Variants in EPHA6 observed in about 807,000 individuals in gnomAD.
EPHA6 encodes the protein EPH receptor A6.
In EPHA6, 50 loss-of-function variants were observed where a neutral mutation model predicts 112.0. The observed-to-expected ratio is 0.45, with a 90% CI of 0.36 to 0.56. EPHA6 has a LOEUF of 0.56. EPHA6 is among the 20% of genes least tolerant of loss of function. EPHA6 has a pLI of 0.00. For synonymous variants in EPHA6, 529 were observed against 490.7 expected, an observed-to-expected ratio of 1.08 and a Z score of -1.03; for missense variants, 1,280 against 1,417.4, an observed-to-expected ratio of 0.90 and a Z score of 1.56.
At chr3:97,258,654 G>GT (rs368209384) in intron 5 of EPHA6, among the ~76,000 whole-genome samples, 14 of 152,030 alleles carry the variant, frequency 9.2e-5, no homozygotes, top group African/African-American at 3.1e-4. Flanking sequence ...ATGACCAGTA[G>GT]TTTCATCATG....
rs748748562 is a variant in EPHA6, at chr3:97,736,100, T to C, written c.3110T>C (p.Leu1037Pro). The C allele has an allele frequency of 1.2e-6, 2 of 1,611,888 alleles. No individual in the cohort carries two copies. The highest frequency in any genetic ancestry group is 2.2e-5 in the South Asian group (2 of 90,922). ...LIRNPSALHT[L>P]VEDILVMPES... ...CGAAATCCCAGTGCCCTTCACACCC[T>C]GGTGGAGGACATCCTTGTGTAAGAG... The change falls in exon 16 of 18, where the codon CTG (leucine) becomes CCG (proline). Residue 1037 changes from leucine to proline, a missense_variant. Around this residue, in one of 4 missense-constraint regions of EPHA6, gnomAD observed 145 missense variants for 153.3 expected, o/e 0.95. Transcript: ENST00000389672.
chr3:97,515,933 T>C (rs1176797593), intron 10 of EPHA6, among the ~76,000 whole-genome samples: 1 of 149,696 alleles, frequency 6.7e-6, no homozygotes, highest in Non-Finnish European at 1.5e-5. Flanking sequence ...CACTGTATGA[T>C]AAGAAAGTTA....
chr3:97,325,889 TCTC>T (rs1559885618), intron 5 of EPHA6, among the ~76,000 whole-genome samples: 1 of 152,120 alleles, frequency 6.6e-6, no homozygotes, highest in African/African-American at 2.4e-5. Flanking sequence ...AACCTAGGAA[TCTC>T]CTATTTTCTA....
intron 6 of EPHA6, among the ~76,000 whole-genome samples, chr3:97,434,905 C>G (rs2089738170): frequency 6.6e-6 from 1 of 151,440 alleles, no homozygotes; most frequent in Non-Finnish European, 1.5e-5. Context: ...CCCTCCCTAC[C>G]CCTTATTCTT....
At chr3:97,120,586 G>A (rs1036483714) in intron 3 of EPHA6, among the ~76,000 whole-genome samples, 8 of 151,828 alleles carry the variant, frequency 5.3e-5, no homozygotes, top group African/African-American at 1.9e-4. Flanking sequence ...GTTAAAAAAA[G>A]GGTTTTAAAA....
intron 5 of EPHA6, among the ~76,000 whole-genome samples, chr3:97,264,707 A>C (rs1295266517): frequency 2.6e-5 from 4 of 152,224 alleles, no homozygotes; most frequent in African/African-American, 9.6e-5. Flanking sequence ...TGAGGTACAC[A>C]GACAAATGGA....
chr3:97,543,667 T>A (rs2092902053), intron 11 of EPHA6, among the ~76,000 whole-genome samples: 1 of 152,072 alleles, frequency 6.6e-6, no homozygotes, highest in South Asian at 2.1e-4. Context: ...TGGCATTGAA[T>A]CTATAAATTA....
chr3:97,519,009 A>G (rs1416682769), intron 10 of EPHA6, among the ~76,000 whole-genome samples: 1 of 151,812 alleles, frequency 6.6e-6, no homozygotes, highest in African/African-American at 2.4e-5. Context: ...AAATAGTACC[A>G]TTTGTCTACT....
chr3:96,987,922 G>T lies in EPHA6; in HGVS notation c.1043G>T (p.Gly348Val). ...DTPKLYCGAD[G>V]DWLVPLGRCI... ...CCTAAACTGTATTGTGGAGCTGATG[G>T]AGATTGGCTGGTTCCTCTTGGAAGG... The change falls in exon 3 of 18, where the codon GGA (glycine) becomes GTA (valine). Residue 348 changes from glycine to valine, a missense_variant. Physicochemically the swap from Gly to Val is moderately radical, Grantham distance 109. Coordinates refer to ENST00000389672, the MANE Select transcript of EPHA6 (RefSeq NM_001080448.3). The T allele has an allele frequency of 6.2e-7, 1 of 1,613,816 alleles. No individual in the cohort carries two copies. The highest frequency in any genetic ancestry group is 8.5e-7 in the Non-Finnish European group (1 of 1,179,762).
intron 3 of EPHA6, among the ~76,000 whole-genome samples, chr3:97,164,794 T>G (rs2076501228): frequency 6.6e-6 from 1 of 152,110 alleles, no homozygotes; most frequent in Non-Finnish European, 1.5e-5. Flanking sequence ...TTATTGGCTC[T>G]GCTTTCATGA....
intron 6 of EPHA6, among the ~76,000 whole-genome samples, chr3:97,424,901 G>A (rs1357917019): frequency 3.3e-5 from 5 of 151,648 alleles, no homozygotes. Context: ...GGGAGAAATT[G>A]GACAAAATGA....
intron 5 of EPHA6, among the ~76,000 whole-genome samples, chr3:97,397,884 C>T (rs1336616473): frequency 6.6e-6 from 1 of 151,294 alleles, no homozygotes; most frequent in East Asian, 1.9e-4. Flanking sequence ...ATTATGTACA[C>T]TTCATAACTA....
intron 1 of EPHA6, among the ~76,000 whole-genome samples, chr3:96,860,298 T>G (rs1204545255): frequency 2.0e-5 from 3 of 152,100 alleles, no homozygotes; most frequent in Non-Finnish European, 4.4e-5. Flanking sequence ...ACTTTCATTC[T>G]CATAATTTTT....
At chr3:97,486,412 T>C (rs369869203) in intron 10 of EPHA6, among the ~76,000 whole-genome samples, 4 of 152,362 alleles carry the variant, frequency 2.6e-5, no homozygotes, top group East Asian at 1.9e-4. Context: ...ATCATTGTTA[T>C]AGCCCTTTTT....
intron 5 of EPHA6, among the ~76,000 whole-genome samples, chr3:97,380,063 C>A (rs548836822): frequency 1.2e-4 from 18 of 152,058 alleles, no homozygotes; most frequent in Non-Finnish European, 1.5e-4. Context: ...ACAATTCTAG[C>A]ATATTGGTGC....
At chr3:97,311,031 G>A (rs557766140) in intron 5 of EPHA6, among the ~76,000 whole-genome samples, 17 of 151,708 alleles carry the variant, frequency 1.1e-4, no homozygotes, top group Admixed American at 9.9e-4. Context: ...CATAGAAGGA[G>A]AGGTGGTATT....
At chr3:97,675,064 G>C (rs902095985) in intron 14 of EPHA6, among the ~76,000 whole-genome samples, 6 of 152,098 alleles carry the variant, frequency 3.9e-5, no homozygotes, top group African/African-American at 1.2e-4. Context: ...AGAAACAACA[G>C]CACATTATTA....
intron 3 of EPHA6, among the ~76,000 whole-genome samples, chr3:97,105,567 C>G (rs754945683): frequency 1.3e-5 from 2 of 152,052 alleles, no homozygotes; most frequent in East Asian, 3.9e-4. Context: ...TATTTTCTGT[C>G]TGATTGTGTG....
chr3:97,645,895 A>C (rs1187952906), intron 14 of EPHA6, among the ~76,000 whole-genome samples: 1 of 152,070 alleles, frequency 6.6e-6, no homozygotes, highest in Non-Finnish European at 1.5e-5. Flanking sequence ...GTTTTTTATA[A>C]TCTGTGTCAG....
Sources: allele counts gnomAD v4.1 joint callset (sites outside exome capture counted in the v4.1 genomes callset), GRCh38; gene constraint gnomAD v4.1.1; regional missense constraint gnomAD v4.1.1; transcripts MANE v1.5; gene names NCBI Gene and HGNC (gene_info 2026-07-23, HGNC 2026-07-21).